PKIB: variants seen among roughly 807,000 people sequenced by gnomAD.
PKIB encodes cAMP-dependent protein kinase inhibitor beta.
Under a neutral mutation model 4.5 loss-of-function variants are expected in PKIB, and 2 were observed. The observed-to-expected ratio is 0.44, with a 90% CI of 0.18 to 1.39. The LOEUF is 1.39. Ranked by LOEUF, PKIB falls within the 40% of genes most tolerant of loss-of-function variation. The pLI is 0.27. For missense variants in PKIB, 94 were observed against 92.6 expected, an observed-to-expected ratio of 1.02 and a Z score of -0.06; for synonymous variants, 38 against 36.0, an observed-to-expected ratio of 1.06 and a Z score of -0.20.
chr6:122,688,618 T>A lies in PKIB; in HGVS notation c.-9+13474T>A, dbSNP rs138308109. Among the ~76,000 whole-genome samples, 55 of 152,284 alleles carry A rather than the reference T, an allele frequency of 3.6e-4. 1 individual carries two copies. The highest frequency in any genetic ancestry group is 1.2e-3 in the African/African-American group (51 of 41,558). On this transcript the variant is annotated intron_variant, in intron 3 of 4. Transcript: ENST00000368452. ...TTACTGGGAGACTTTTTATTATGGC[T>A]TCAGTCTTGTTACTTGTTATTGGTC...
At chr6:122,598,874 A>G (rs1774263707) in intron 3 of PKIB, among the ~76,000 whole-genome samples, 1 of 152,184 alleles carries the variant, frequency 6.6e-6, no homozygotes, top group African/African-American at 2.4e-5. Context: ...GCCCAAATCA[A>G]TAAATTCAGC....
chr6:122,486,005 CAT>C (rs1332204398), intron 2 of PKIB, among the ~76,000 whole-genome samples: 3 of 152,254 alleles, frequency 2.0e-5, no homozygotes, highest in African/African-American at 7.2e-5. Flanking sequence ...CTAGAAATAA[CAT>C]ATTCATAGAC....
At chr6:122,619,247 A>T (rs1384714222) in intron 1 of PKIB, among the ~76,000 whole-genome samples, 1 of 152,102 alleles carries the variant, frequency 6.6e-6, no homozygotes, top group Non-Finnish European at 1.5e-5. Context: ...ATCTATTCTC[A>T]CGTAGTTTGT....
intron 2 of PKIB, among the ~76,000 whole-genome samples, chr6:122,539,790 G>A (rs375030582): frequency 6.6e-6 from 1 of 151,996 alleles, no homozygotes; most frequent in African/African-American, 2.4e-5. Context: ...GGTAGAATTC[G>A]GCTGTGAATC....
At chr6:122,543,067 A>C (rs1367161784) in intron 2 of PKIB, among the ~76,000 whole-genome samples, 1 of 152,040 alleles carries the variant, frequency 6.6e-6, no homozygotes, top group African/African-American at 2.4e-5. Flanking sequence ...CCCGTTGGAA[A>C]AGCGCAGTAT....
At chr6:122,484,770 A>G (rs1322222598) in intron 2 of PKIB, among the ~76,000 whole-genome samples, 27 of 152,236 alleles carry the variant, frequency 1.8e-4, no homozygotes, top group Admixed American at 1.8e-3. Flanking sequence ...AAACACTATT[A>G]AAATGTTAAA....
At chr6:122,609,292 G>C (rs2114754586), upstream of PKIB, among the ~76,000 whole-genome samples, 1 of 152,292 alleles carries the variant, frequency 6.6e-6, no homozygotes, top group South Asian at 2.1e-4. Flanking sequence ...AACTGATTTG[G>C]AATCTTCTCA....
intron 2 of PKIB, chr6:122,480,980 T>TAG (rs1372578088): frequency 2.6e-5 from 4 of 152,182 alleles, no homozygotes; most frequent in African/African-American, 7.2e-5. Flanking sequence ...TTAAATTGAG[T>TAG]AAATCTTAAG....
intron 4 of PKIB, among the ~76,000 whole-genome samples, chr6:122,722,674 T>G (rs1779790338): frequency 6.6e-6 from 1 of 152,200 alleles, no homozygotes; most frequent in Non-Finnish European, 1.5e-5. Flanking sequence ...TTTCTTTCAA[T>G]AAACACTTAT....
At chr6:122,522,489 C>T (rs1212728816) in intron 2 of PKIB, among the ~76,000 whole-genome samples, 1 of 152,188 alleles carries the variant, frequency 6.6e-6, no homozygotes, top group Non-Finnish European at 1.5e-5. Context: ...GCAGCTAGCT[C>T]AGTGTCTCAG....
intron 2 of PKIB, among the ~76,000 whole-genome samples, chr6:122,662,124 GT>G (rs1196748622): frequency 6.6e-6 from 1 of 151,698 alleles, no homozygotes; most frequent in Non-Finnish European, 1.5e-5. Flanking sequence ...ATTGGCAAGT[GT>G]TTTTTTCCAA....
intron 2 of PKIB, among the ~76,000 whole-genome samples, chr6:122,572,796 A>G (rs1447961930): frequency 6.6e-6 from 1 of 152,174 alleles, no homozygotes; most frequent in Non-Finnish European, 1.5e-5. Flanking sequence ...CAATATTACA[A>G]CAGATACTAC....
chr6:122,540,486 T>C (rs1777559927), intron 2 of PKIB, among the ~76,000 whole-genome samples: 1 of 151,900 alleles, frequency 6.6e-6, no homozygotes, highest in Admixed American at 6.6e-5. Flanking sequence ...TGTAGTTGAG[T>C]GGTTTTGAGT....
At chr6:122,581,449 A>G (rs1773700710) in intron 2 of PKIB, among the ~76,000 whole-genome samples, 1 of 152,168 alleles carries the variant, frequency 6.6e-6, no homozygotes, top group African/African-American at 2.4e-5. Flanking sequence ...TGAAAAGAAA[A>G]TAAGAATTAA....
intron 2 of PKIB, among the ~76,000 whole-genome samples, chr6:122,670,940 G>A (rs980733060): frequency 6.6e-6 from 1 of 152,152 alleles, no homozygotes; most frequent in African/African-American, 2.4e-5. Flanking sequence ...AACTTTCAGG[G>A]TTTTATGTAT....
chr6:122,601,378 A>C (rs1048036898), intron 3 of PKIB, among the ~76,000 whole-genome samples: 3 of 152,154 alleles, frequency 2.0e-5, no homozygotes, highest in Non-Finnish European at 4.4e-5. Flanking sequence ...TTAGAGAAAA[A>C]GAGTTTGTAC....
chr6:122,578,697 A>T (rs902426126), intron 2 of PKIB, among the ~76,000 whole-genome samples: 7 of 152,136 alleles, frequency 4.6e-5, no homozygotes, highest in African/African-American at 1.7e-4. Flanking sequence ...TACTCTTGAT[A>T]GCCAGGCCTA....
intron 2 of PKIB, among the ~76,000 whole-genome samples, chr6:122,638,330 C>A (rs1776004402): frequency 6.6e-6 from 1 of 152,212 alleles, no homozygotes; most frequent in Non-Finnish European, 1.5e-5. Flanking sequence ...TAGCAATTTT[C>A]TGTCCCAGGC....
chr6:122,556,276 C>G (rs1410794794), intron 2 of PKIB, among the ~76,000 whole-genome samples: 1 of 152,202 alleles, frequency 6.6e-6, no homozygotes, highest in Admixed American at 6.5e-5. Context: ...CAAAGCCATG[C>G]TGAACTGTGA....
Sources: gnomAD v4.1 joint callset for allele counts (sites outside exome capture counted in the v4.1 genomes callset) on GRCh38, gnomAD v4.1.1 for gene constraint, MANE v1.5 for transcripts, NCBI Gene and HGNC (gene_info 2026-07-23, HGNC 2026-07-21) for gene names.